RANBP17: variants seen among roughly 807,000 people sequenced by gnomAD.
The protein encoded by RANBP17 is ran-binding protein 17.
In RANBP17, 158 loss-of-function variants were observed where a neutral mutation model predicts 141.2. The ratio of observed to expected loss-of-function variants is 1.12; its 90% CI spans 0.98 to 1.28. The LOEUF is 1.28. RANBP17 is among the 50% of genes most tolerant of loss of function. The pLI is 0.00. For missense variants in RANBP17, 1,438 were observed against 1,290.7 expected, an observed-to-expected ratio of 1.11 and a Z score of -1.75; for synonymous variants, 430 against 450.0, an observed-to-expected ratio of 0.96 and a Z score of 0.56.
chr5:171,273,197 T>C (rs1581163429), intron 25 of RANBP17, among the ~76,000 whole-genome samples: 1 of 152,222 alleles, frequency 6.6e-6, no homozygotes, highest in Non-Finnish European at 1.5e-5. Flanking sequence ...TTGTCCTGAC[T>C]TTCACCACTG....
intron 18 of RANBP17, among the ~76,000 whole-genome samples, chr5:171,198,390 C>T (rs1230634919): frequency 6.6e-6 from 1 of 152,176 alleles, no homozygotes; most frequent in Non-Finnish European, 1.5e-5. Flanking sequence ...ACTCCTGAAA[C>T]AATGTGAAAT....
chr5:170,926,165 A>G (rs112632723), intron 12 of RANBP17, among the ~76,000 whole-genome samples: 4 of 145,910 alleles, frequency 2.7e-5, no homozygotes, highest in South Asian at 4.9e-4. Context: ...TAAATGTTTC[A>G]GGTCTCCATC....
At chr5:171,153,451 C>G (rs887542074) in intron 14 of RANBP17, among the ~76,000 whole-genome samples, 2 of 152,114 alleles carry the variant, frequency 1.3e-5, no homozygotes, top group Non-Finnish European at 2.9e-5. Flanking sequence ...ACACTATTGC[C>G]TAGGGAAAGA....
chr5:171,186,772 G>A (rs1311967867), intron 18 of RANBP17, among the ~76,000 whole-genome samples: 8 of 151,544 alleles, frequency 5.3e-5, no homozygotes, highest in South Asian at 2.1e-4. Flanking sequence ...TCCTGACCTC[G>A]TGATCCGCCC....
At chr5:170,882,499 G>A (rs1285462094) in intron 3 of RANBP17, among the ~76,000 whole-genome samples, 1 of 152,080 alleles carries the variant, frequency 6.6e-6, no homozygotes, top group Non-Finnish European at 1.5e-5. Flanking sequence ...TTTCACAAAT[G>A]AGGAAGTTAG....
At chr5:171,294,026 A>T in intron 26 of RANBP17, 45 bp downstream of exon 26, 16 of 1,377,002 alleles carry the variant, frequency 1.2e-5, no homozygotes, top group Non-Finnish European at 1.7e-5. Flanking sequence ...CCCTGGGAGA[A>T]GAGAGCAGCT....
intron 14 of RANBP17, among the ~76,000 whole-genome samples, chr5:171,160,188 C>G (rs962998026): frequency 1.3e-5 from 2 of 151,992 alleles, no homozygotes; most frequent in African/African-American, 4.8e-5. Context: ...TTCTGTTTTT[C>G]TCCTGACTTT....
intron 14 of RANBP17, among the ~76,000 whole-genome samples, chr5:170,979,620 G>C (rs1777622463): frequency 6.6e-6 from 1 of 152,134 alleles, no homozygotes; most frequent in South Asian, 2.1e-4. Flanking sequence ...ACTATAAAGG[G>C]GAGTTGTCCT....
intron 24 of RANBP17, among the ~76,000 whole-genome samples, chr5:171,254,040 G>A (rs1342288771): frequency 1.3e-5 from 2 of 152,142 alleles, no homozygotes; most frequent in African/African-American, 4.8e-5. Flanking sequence ...GAGGTCAGGA[G>A]ATCGAGACCA....
intron 14 of RANBP17, among the ~76,000 whole-genome samples, chr5:171,134,807 G>A (rs1316091561): frequency 2.7e-5 from 4 of 150,422 alleles, no homozygotes; most frequent in East Asian, 2.0e-4. Context: ...CTGTAGTCCC[G>A]GCTACAGGGG....
intron 24 of RANBP17, among the ~76,000 whole-genome samples, chr5:171,246,491 T>G (rs968203320): frequency 4.6e-5 from 7 of 152,246 alleles, no homozygotes; most frequent in Non-Finnish European, 1.0e-4. Flanking sequence ...AACCATTGTT[T>G]CGTATAATTT....
At chr5:171,297,772 T>C (rs1768906494) in intron 27 of RANBP17, among the ~76,000 whole-genome samples, 1 of 151,430 alleles carries the variant, frequency 6.6e-6, no homozygotes, top group African/African-American at 2.4e-5. Flanking sequence ...AAGACTGACT[T>C]TTTTCCGTGT....
At chr5:171,006,515 A>G (rs1358213284) in intron 14 of RANBP17, among the ~76,000 whole-genome samples, 1 of 152,106 alleles carries the variant, frequency 6.6e-6, no homozygotes, top group Non-Finnish European at 1.5e-5. Flanking sequence ...CAAACACTCC[A>G]CGTTCTCACT....
intron 14 of RANBP17, among the ~76,000 whole-genome samples, chr5:171,157,064 G>C (rs180842970): frequency 7.9e-5 from 12 of 152,236 alleles, no homozygotes; most frequent in Admixed American, 3.9e-4. Context: ...TTTAAAGGAG[G>C]TTTTTAAAAT....
At chr5:171,180,119 A>G (rs963653924) in intron 16 of RANBP17, among the ~76,000 whole-genome samples, 42 of 152,312 alleles carry the variant, frequency 2.8e-4, no homozygotes, top group Middle Eastern at 3.4e-3. Flanking sequence ...CAGCCAGACT[A>G]TAGAGTTTGC....
chr5:171,003,658 A>C (rs530242426), intron 14 of RANBP17, among the ~76,000 whole-genome samples: 1 of 152,294 alleles, frequency 6.6e-6, no homozygotes, highest in East Asian at 1.9e-4. Flanking sequence ...ACAAAGTAGA[A>C]GGTCATCAGT....
At chr5:171,229,124 AAAT>A (rs1764049885) in intron 22 of RANBP17, among the ~76,000 whole-genome samples, 2 of 152,374 alleles carry the variant, frequency 1.3e-5, no homozygotes, top group South Asian at 2.1e-4. Flanking sequence ...TATCACCAAA[AAAT>A]AACAGTTCTC....
rs1028910113 is a variant in RANBP17, at chr5:171,238,644, G to A, written c.2423-2284G>A. Reference sequence around the variant, plus strand: ...ATACAGTGCTGTTCTTTCTTGGGAAGGGGAAGGAGGGAAAATGTCTAACCT... The same window carrying A: ...ATACAGTGCTGTTCTTTCTTGGGAAAGGGAAGGAGGGAAAATGTCTAACCT... On this transcript the variant is annotated intron_variant, in intron 22 of 27. Coordinates refer to ENST00000523189, the MANE Select transcript of RANBP17 (RefSeq NM_022897.5). 2.6e-5 allele frequency among the ~76,000 whole-genome samples: 4 copies of A among 152,304 alleles called. No homozygotes were observed. In the South Asian group the frequency reaches 8.3e-4, roughly 32 times the overall value.
intron 12 of RANBP17, among the ~76,000 whole-genome samples, chr5:170,933,399 G>A (rs1298003300): frequency 1.5e-4 from 23 of 151,914 alleles, no homozygotes; most frequent in Non-Finnish European, 8.8e-5. Context: ...AGGGTTTTTT[G>A]TGTCTCTATT....
Sources: gnomAD v4.1 joint callset for allele counts (sites outside exome capture counted in the v4.1 genomes callset) on GRCh38, gnomAD v4.1.1 for gene constraint, MANE v1.5 for transcripts, NCBI Gene and HGNC (gene_info 2026-07-23, HGNC 2026-07-21) for gene names.